The following SBF2 variants were observed in gnomAD, a reference collection of about 807,000 sequenced individuals.
The protein encoded by SBF2 is SET binding factor 2, also known as myotubularin-related protein 13.
A neutral mutation model predicts 225.2 loss-of-function variants in SBF2; 112 were observed. That is an observed-to-expected ratio of 0.50 (90% CI 0.43 to 0.58). The LOEUF is 0.58. Ranked by LOEUF, SBF2 falls within the 20% of genes least tolerant of loss-of-function variation. The pLI, the probability that SBF2 is intolerant of heterozygous loss-of-function variation, is 0.00. For missense variants in SBF2, 1,996 were observed against 2,206.2 expected, an observed-to-expected ratio of 0.90 and a Z score of 1.91; for synonymous variants, 763 against 773.3, an observed-to-expected ratio of 0.99 and a Z score of 0.22.
intron 16 of SBF2, among the ~76,000 whole-genome samples, chr11:9,951,333 C>T (rs1023015239): frequency 5.9e-5 from 9 of 152,162 alleles, no homozygotes; most frequent in African/African-American, 1.9e-4. Context: ...TTGAAATATA[C>T]GAGTATCACT....
At chr11:10,101,004 T>G (rs548910958) in intron 2 of SBF2, among the ~76,000 whole-genome samples, 16 of 152,166 alleles carry the variant, frequency 1.1e-4, no homozygotes, top group Non-Finnish European at 2.4e-4. Context: ...TCGGAGTTCT[T>G]GGTTAGGGAT....
chr11:9,877,940 T>C (rs1052478527), intron 17 of SBF2, among the ~76,000 whole-genome samples: 9 of 152,234 alleles, frequency 5.9e-5, no homozygotes, highest in African/African-American at 2.2e-4. Flanking sequence ...TCAAATGGTA[T>C]TTCTAGTTCT....
At chr11:9,888,352 T>A (rs541581042) in intron 17 of SBF2, among the ~76,000 whole-genome samples, 4 of 151,902 alleles carry the variant, frequency 2.6e-5, no homozygotes, top group South Asian at 2.1e-4. Flanking sequence ...AAAATTTTTT[T>A]AAATTAGCTG....
rs553493779 is a variant in SBF2, at chr11:9,785,242, T to C, written c.5114A>G (p.His1705Arg). ...LPSYQKRSLLHLPDSSMGEEQ... is the reference protein window; with the variant it reads ...LPSYQKRSLLRLPDSSMGEEQ... ...CTCCCCCATGCTGCTGTCTGGGAGA[T>C]GTAGCAGAGACCTCTTCTGATAGGA... The change falls in exon 37 of 40, where the codon CAT becomes CGT. Residue 1705 changes from histidine (H) to arginine (R), a missense_variant. Coordinates refer to ENST00000256190, the MANE Select transcript of SBF2 (RefSeq NM_030962.4). 4 of 1,613,950 alleles carry C rather than the reference T, an allele frequency of 2.5e-6. No individual in the cohort carries two copies. The highest frequency in any genetic ancestry group is 3.3e-4 in the Middle Eastern group (2 of 6,058).
intron 1 of SBF2, among the ~76,000 whole-genome samples, chr11:10,285,319 A>C (rs913642817): frequency 2.6e-5 from 4 of 151,902 alleles, no homozygotes; most frequent in African/African-American, 9.7e-5. Context: ...AAGGAAAAAG[A>C]GAAGGGAAGG....
chr11:9,966,070 A>C (rs1454545875), intron 14 of SBF2, among the ~76,000 whole-genome samples: 2 of 152,058 alleles, frequency 1.3e-5, no homozygotes, highest in African/African-American at 4.8e-5. Flanking sequence ...TTAGAAAAAA[A>C]CATATTTTCT....
chr11:10,032,697 A>G (rs2058975136), intron 3 of SBF2, among the ~76,000 whole-genome samples: 1 of 152,046 alleles, frequency 6.6e-6, no homozygotes, highest in African/African-American at 2.4e-5. Context: ...CTTGTTTTTT[A>G]GTTTGTCTGT....
At chr11:10,129,100 CTTTT>C (rs757476668) in intron 2 of SBF2, among the ~76,000 whole-genome samples, 2 of 89,942 alleles carry the variant, frequency 2.2e-5, no homozygotes, top group African/African-American at 8.3e-5. Flanking sequence ...AATTTTCTCT[CTTTT>C]TTTTTTTTTT....
At chr11:9,990,808 T>C (rs1327677158) in intron 12 of SBF2, among the ~76,000 whole-genome samples, 1 of 152,092 alleles carries the variant, frequency 6.6e-6, no homozygotes, top group Non-Finnish European at 1.5e-5. Flanking sequence ...CCTAACGCAG[T>C]CGAGTGGCTC....
intron 33 of SBF2, among the ~76,000 whole-genome samples, chr11:9,792,292 G>A (rs1415555269): frequency 7.2e-5 from 11 of 152,010 alleles, no homozygotes; most frequent in Admixed American, 5.2e-4. Context: ...TCAGCTGGGT[G>A]TGGTGGCGGG....
intron 16 of SBF2, among the ~76,000 whole-genome samples, chr11:9,956,077 A>G (rs1866147101): frequency 6.6e-6 from 1 of 151,960 alleles, no homozygotes; most frequent in African/African-American, 2.4e-5. Context: ...TTTAAGATTC[A>G]TCTACATCAT....
intron 3 of SBF2, among the ~76,000 whole-genome samples, chr11:10,034,536 A>AC (rs1949367288): frequency 6.6e-6 from 1 of 152,240 alleles, no homozygotes; most frequent in East Asian, 1.9e-4. Flanking sequence ...TATCAAAATA[A>AC]CTGTCAAGTC....
chr11:10,114,921 CTGG>C, intron 2 of SBF2, among the ~76,000 whole-genome samples: 1 of 152,284 alleles, frequency 6.6e-6, no homozygotes, highest in African/African-American at 2.4e-5. Flanking sequence ...CTGTGGGAGC[CTGG>C]TGTGCCTGGA....
At chr11:10,256,817 A>G (rs1477811080) in intron 1 of SBF2, among the ~76,000 whole-genome samples, 2 of 152,168 alleles carry the variant, frequency 1.3e-5, no homozygotes, top group Non-Finnish European at 2.9e-5. Flanking sequence ...CATCTCTCTC[A>G]TCAAAATCTT....
At chr11:9,838,450 T>G (rs1388736828) in intron 26 of SBF2, 1 of 152,230 alleles carries the variant, frequency 6.6e-6, no homozygotes, top group African/African-American at 2.4e-5. Flanking sequence ...TGACTCATCT[T>G]CAGAGAAAAT....
rs758178246 is a variant in SBF2 at position 10,042,961 on chromosome 11, C to T, written c.162G>A (p.Trp54Ter). ...GIELFCQPGGWQLSRERKQPT... is the reference protein window; with the variant it reads ...GIELFCQPGG ...GCTGCTTCCTCTCTCTGGACAGCTG[C>T]CACCCGCCAGGCTGACAAAACTAAA... Residue 54 changes from tryptophan to a stop codon, truncating the protein, a stop_gained, in exon 3 of 40, where the codon TGG becomes TGA. Coordinates refer to ENST00000256190, the MANE Select transcript of SBF2 (RefSeq NM_030962.4). LOFTEE classifies it high-confidence loss of function. The T allele has an allele frequency of 6.2e-7, 1 of 1,613,674 alleles. No individual in the cohort carries two copies.
intron 18 of SBF2, among the ~76,000 whole-genome samples, chr11:9,857,478 T>G (rs934309693): frequency 4.6e-5 from 7 of 152,174 alleles, no homozygotes; most frequent in African/African-American, 1.7e-4. Context: ...TAATCAGCCG[T>G]TAAGGCTGCT....
intron 2 of SBF2, among the ~76,000 whole-genome samples, chr11:10,046,274 A>T (rs971291867): frequency 6.6e-6 from 1 of 152,236 alleles, no homozygotes; most frequent in Non-Finnish European, 1.5e-5. Context: ...TACCTTCTTC[A>T]TTCTATGAGG....
At chr11:9,850,252 T>C (rs1554924701) in intron 21 of SBF2, 34 bp from the exon 22 acceptor site, 8 of 1,590,814 alleles carry the variant, frequency 5.0e-6, no homozygotes, top group South Asian at 4.4e-5. Flanking sequence ...GATTGATTGA[T>C]TGACTAATTG....
Sources: gnomAD v4.1 joint callset for allele counts (sites outside exome capture counted in the v4.1 genomes callset) on GRCh38, gnomAD v4.1.1 for gene constraint, MANE v1.5 for transcripts, NCBI Gene and HGNC (gene_info 2026-07-23, HGNC 2026-07-21) for gene names.